The following ANKS1B variants were observed in gnomAD, a reference collection of about 807,000 sequenced individuals.
ANKS1B encodes ankyrin repeat and sterile alpha motif domain-containing protein 1B.
In ANKS1B, 36 loss-of-function variants were observed where a neutral mutation model predicts 148.3. The observed-to-expected ratio is 0.24, with a 90% CI of 0.19 to 0.32. The LOEUF is 0.32. ANKS1B is among the 10% of genes least tolerant of loss of function. The probability of loss-of-function intolerance (pLI) is 1.00; values close to 1 mark genes in which losing one functional copy is unlikely to be tolerated. For synonymous variants in ANKS1B, 542 were observed against 560.8 expected (o/e 0.97, Z 0.47); for missense variants, 1,157 against 1,542.6 (o/e 0.75, Z 4.19).
chr12:99,139,166 A>ATCTTTCTT (rs373995732), intron 15 of ANKS1B, among the ~76,000 whole-genome samples: 17 of 148,946 alleles, frequency 1.1e-4, no homozygotes, highest in East Asian at 1.0e-3. Flanking sequence ...CAGCTAATCA[A>ATCTTTCTT]TCTTTCTTTC....
intron 11 of ANKS1B, among the ~76,000 whole-genome samples, chr12:99,413,878 T>G (rs1458014674): frequency 6.6e-6 from 1 of 152,108 alleles, no homozygotes; most frequent in African/African-American, 2.4e-5. Context: ...GATGTTCTCT[T>G]CCTCTCTGCC....
intron 9 of ANKS1B, among the ~76,000 whole-genome samples, chr12:99,603,185 G>A (rs1471942374): frequency 6.6e-6 from 1 of 152,048 alleles, no homozygotes; most frequent in Non-Finnish European, 1.5e-5. Flanking sequence ...GGGATTACAG[G>A]CATGTGCATA....
chr12:98,769,646 T>C (rs2153469090), intron 25 of ANKS1B, among the ~76,000 whole-genome samples: 1 of 152,304 alleles, frequency 6.6e-6, no homozygotes, highest in South Asian at 2.1e-4. Flanking sequence ...TGGTGATATA[T>C]ATATATCACA....
chr12:99,234,966 G>A (rs2087622285), intron 14 of ANKS1B, among the ~76,000 whole-genome samples: 1 of 152,112 alleles, frequency 6.6e-6, no homozygotes, highest in South Asian at 2.1e-4. Flanking sequence ...CAATCACTTA[G>A]CACGTAAGTA....
At chr12:99,262,802 T>C (rs182674167) in intron 12 of ANKS1B, among the ~76,000 whole-genome samples, 77 of 152,262 alleles carry the variant, frequency 5.1e-4, no homozygotes, top group Admixed American at 1.2e-3. Context: ...AAATAACTGA[T>C]ACATTTGATT....
intron 9 of ANKS1B, among the ~76,000 whole-genome samples, chr12:99,545,405 C>A (rs561586518): frequency 1.3e-5 from 2 of 152,062 alleles, no homozygotes; most frequent in South Asian, 2.1e-4. Flanking sequence ...AACTAAAAGG[C>A]GAAGCAAAAC....
At chr12:99,147,172 T>A (rs750498825) in intron 15 of ANKS1B, among the ~76,000 whole-genome samples, 1 of 151,934 alleles carries the variant, frequency 6.6e-6, no homozygotes, top group Non-Finnish European at 1.5e-5. Flanking sequence ...GTAAGATAAG[T>A]TTTTCAAAAG....
chr12:99,945,217 G>A (rs2095031055), intron 1 of ANKS1B, among the ~76,000 whole-genome samples: 1 of 152,142 alleles, frequency 6.6e-6, no homozygotes, highest in South Asian at 2.1e-4. Context: ...AGGTAGTAAA[G>A]GCCATTCTGA....
chr12:98,898,333 A>G (rs1267855893), intron 17 of ANKS1B, among the ~76,000 whole-genome samples: 1 of 152,242 alleles, frequency 6.6e-6, no homozygotes, highest in Non-Finnish European at 1.5e-5. Flanking sequence ...TCTTATCAGT[A>G]TAATCTACTG....
At chr12:99,110,752 C>T (rs2060129552) in intron 15 of ANKS1B, among the ~76,000 whole-genome samples, 1 of 151,676 alleles carries the variant, frequency 6.6e-6, no homozygotes, top group South Asian at 2.1e-4. Context: ...CTGGGTGTAT[C>T]TAAGCGTGTT....
chr12:99,514,134 A>G (rs527365427), intron 9 of ANKS1B, among the ~76,000 whole-genome samples: 51 of 152,198 alleles, frequency 3.4e-4, no homozygotes, highest in African/African-American at 1.1e-3. Flanking sequence ...ATTAGTTGAT[A>G]AGATAAATGG....
intron 8 of ANKS1B, among the ~76,000 whole-genome samples, chr12:99,709,450 G>A (rs1391187438): frequency 2.0e-5 from 3 of 152,120 alleles, no homozygotes; most frequent in African/African-American, 7.2e-5. Context: ...TGGCTACTAT[G>A]TTTCAGGTAC....
At chr12:99,264,284 A>G (rs540797817) in intron 12 of ANKS1B, among the ~76,000 whole-genome samples, 15 of 152,204 alleles carry the variant, frequency 9.9e-5, no homozygotes, top group African/African-American at 3.6e-4. Flanking sequence ...TAAAATTCCT[A>G]TCATATGCAT....
chr12:99,014,642 C>G (rs1309380795), intron 17 of ANKS1B, among the ~76,000 whole-genome samples: 5 of 152,138 alleles, frequency 3.3e-5, no homozygotes, highest in Non-Finnish European at 7.4e-5. Flanking sequence ...CGTCTAATAT[C>G]CAGCATCTAT....
At chr12:99,832,657 G>C (rs2084205988) in intron 1 of ANKS1B, among the ~76,000 whole-genome samples, 1 of 151,852 alleles carries the variant, frequency 6.6e-6, no homozygotes, top group South Asian at 2.1e-4. Context: ...CCAGGAGGCA[G>C]AGGTTGCAGT....
intron 14 of ANKS1B, among the ~76,000 whole-genome samples, chr12:99,239,392 A>C (rs2088759517): frequency 6.6e-6 from 1 of 152,242 alleles, no homozygotes; most frequent in African/African-American, 2.4e-5. Context: ...GAAATGAACA[A>C]AGCCTCCAAG....
chr12:98,800,690 A>ATATATATATATATATATATATG lies in ANKS1B; in HGVS notation c.3270+306_3270+307insCATATATATATATATATATATA. ...AGTGAGCAGAGATATATATATATAT[A>ATATATATATATATATATATATG]TGCCATATTTACACTCATTTCCATT... is the stretch of plus-strand genomic sequence containing the variant. On this transcript the variant is annotated intron_variant, in intron 21 of 26. Transcript: ENST00000683438. Among the ~76,000 whole-genome samples the ATATATATATATATATATATATG allele has an allele frequency of 2.3e-4, 32 of 137,916 alleles. 1 individual carries two copies. Among genetic ancestry groups the ATATATATATATATATATATATG allele is most frequent in the African/African-American group, 8.4e-4 (32 of 38,244 alleles). 90.5% of individuals were successfully genotyped at this position (137,916 alleles called of 152,430 possible). A position where few individuals can be genotyped will look rare whatever the true frequency, so the allele number is the denominator to read the frequency against.
chr12:98,958,314 C>T (rs2099865777), intron 17 of ANKS1B, among the ~76,000 whole-genome samples: 1 of 152,178 alleles, frequency 6.6e-6, no homozygotes, highest in East Asian at 1.9e-4. Flanking sequence ...TGAAATAAAC[C>T]TCCTGGTTCT....
intron 12 of ANKS1B, among the ~76,000 whole-genome samples, chr12:99,340,605 C>T (rs1017621819): frequency 1.3e-5 from 2 of 151,528 alleles, no homozygotes; most frequent in African/African-American, 4.8e-5. Flanking sequence ...CAATCATTTC[C>T]CCTACTTGAT....
Sources: allele counts gnomAD v4.1 joint callset (sites outside exome capture counted in the v4.1 genomes callset), GRCh38; gene constraint gnomAD v4.1.1; transcripts MANE v1.5; gene names NCBI Gene and HGNC (gene_info 2026-07-23, HGNC 2026-07-21).